Variants in RBFOX1 observed in about 807,000 individuals in gnomAD.
The protein encoded by RBFOX1 is RNA binding protein fox-1 homolog 1.
RBFOX1 carries 8 observed loss-of-function variants against 57.7 expected under a neutral mutation model. The observed-to-expected ratio is 0.14, with a 90% CI of 0.08 to 0.25. RBFOX1 has a LOEUF of 0.25. Among genes scored for constraint, RBFOX1 ranks in the 10% least tolerant of loss-of-function variants. The pLI, the probability that RBFOX1 is intolerant of heterozygous loss-of-function variation, is 1.00. For missense variants in RBFOX1, 611 were observed against 548.5 expected (o/e 1.11, Z -1.14); for synonymous variants, 326 against 222.4 (o/e 1.47, Z -4.15).
intron 1 of RBFOX1, among the ~76,000 whole-genome samples, chr16:5,315,214 G>A (rs2064203012): frequency 6.6e-6 from 1 of 152,242 alleles, no homozygotes; most frequent in Non-Finnish European, 1.5e-5. Flanking sequence ...AGATGCCAGA[G>A]AGGAAGGTTC....
At chr16:7,521,758 C>A (rs998817207) in intron 5 of RBFOX1, among the ~76,000 whole-genome samples, 1 of 152,166 alleles carries the variant, frequency 6.6e-6, no homozygotes, top group Non-Finnish European at 1.5e-5. Flanking sequence ...GAGGGTTATA[C>A]CTTTCAGAGA....
intron 4 of RBFOX1, chr16:7,510,179 C>T (rs1600433862): frequency 4.1e-6 from 4 of 985,840 alleles, no homozygotes; most frequent in South Asian, 4.7e-5. Context: ...CTCAACACCC[C>T]GATCATCCAC....
At chr16:5,718,990 A>G (rs1053581933) in intron 3 of RBFOX1, among the ~76,000 whole-genome samples, 2 of 152,002 alleles carry the variant, frequency 1.3e-5, no homozygotes, top group African/African-American at 4.8e-5. Context: ...AAAAAACAAT[A>G]TTCCCAACTT....
chr16:6,702,498 G>A (rs2062010261), intron 3 of RBFOX1, among the ~76,000 whole-genome samples: 1 of 151,880 alleles, frequency 6.6e-6, no homozygotes, highest in Non-Finnish European at 1.5e-5. Context: ...AGGCTACAGT[G>A]AGCCAAGATT....
chr16:6,823,992 G>C (rs1471541195), intron 3 of RBFOX1, among the ~76,000 whole-genome samples: 1 of 152,178 alleles, frequency 6.6e-6, no homozygotes, highest in African/African-American at 2.4e-5. Context: ...GGTATGAGCT[G>C]GCCCCATGAA....
At chr16:6,861,936 G>A (rs1422271144) in intron 3 of RBFOX1, among the ~76,000 whole-genome samples, 1 of 148,872 alleles carries the variant, frequency 6.7e-6, no homozygotes, top group Non-Finnish European at 1.5e-5. Flanking sequence ...CAGGGGGTCT[G>A]CAAACAGAAC....
At chr16:5,561,269 A>G (rs1010028684) in intron 2 of RBFOX1, among the ~76,000 whole-genome samples, 21 of 152,166 alleles carry the variant, frequency 1.4e-4, no homozygotes, top group African/African-American at 5.1e-4. Flanking sequence ...CTTTCTTTAA[A>G]AAAAATTGAA....
intron 4 of RBFOX1, among the ~76,000 whole-genome samples, chr16:5,884,598 C>A (rs560102772): frequency 6.6e-6 from 1 of 152,012 alleles, no homozygotes; most frequent in Non-Finnish European, 1.5e-5. Context: ...CTTTTTCCAA[C>A]GTAGCCATAA....
intron 1 of RBFOX1, among the ~76,000 whole-genome samples, chr16:5,407,418 G>T (rs2066896152): frequency 6.6e-6 from 1 of 152,158 alleles, no homozygotes; most frequent in African/African-American, 2.4e-5. Context: ...GGAAAAACAA[G>T]AGCAGAGGCC....
intron 3 of RBFOX1, among the ~76,000 whole-genome samples, chr16:6,682,214 G>A (rs750400230): frequency 1.4e-4 from 21 of 152,230 alleles, no homozygotes; most frequent in Middle Eastern, 3.4e-3. Context: ...CAACAGCAAC[G>A]AACAACGCAA....
rs927750983 is a variant in RBFOX1, at chr16:5,863,441, C to T, written c.319-3862C>T. 4.6e-5 allele frequency among the ~76,000 whole-genome samples: 7 copies of T among 152,282 alleles called. No homozygotes were observed. The South Asian group carries it at 1.0e-3, about 23-fold the overall frequency. On this transcript the variant is annotated intron_variant, in intron 3 of 19. Coordinates refer to the RBFOX1 transcript ENST00000641259. ...GATAAAAGCCCATGGTTGCAGCTGG[C>T]GTCAGCAACCCTTAAAGAGCCCTCC... is the stretch of plus-strand genomic sequence containing the variant.
chr16:5,362,465 C>A (rs1191720857), intron 1 of RBFOX1, among the ~76,000 whole-genome samples: 1 of 152,272 alleles, frequency 6.6e-6, no homozygotes, highest in East Asian at 1.9e-4. Flanking sequence ...TGGGTTCAAG[C>A]GATTCTCCTG....
intron 3 of RBFOX1, among the ~76,000 whole-genome samples, chr16:5,744,929 CG>C (rs1382821835): frequency 1.3e-5 from 2 of 152,072 alleles, no homozygotes; most frequent in African/African-American, 2.4e-5. Context: ...TGCACTGCCA[CG>C]CCTGGCTAAT....
intron 3 of RBFOX1, among the ~76,000 whole-genome samples, chr16:5,648,795 G>C (rs1253916923): frequency 2.6e-5 from 4 of 152,184 alleles, no homozygotes; most frequent in Non-Finnish European, 5.9e-5. Flanking sequence ...CAGGCACACT[G>C]GCTCATGCCT....
chr16:7,562,933 A>T (rs1055808520), intron 5 of RBFOX1, among the ~76,000 whole-genome samples: 1 of 152,210 alleles, frequency 6.6e-6, no homozygotes, highest in Non-Finnish European at 1.5e-5. Context: ...AGTTTTAACA[A>T]CCAAGTGCCC....
chr16:5,890,960 A>T (rs540442247), intron 4 of RBFOX1, among the ~76,000 whole-genome samples: 2 of 152,270 alleles, frequency 1.3e-5, no homozygotes, highest in East Asian at 3.9e-4. Context: ...CTGGATCTGA[A>T]TTTCTCAGTC....
At chr16:5,596,672 G>T (rs1421891932) in intron 2 of RBFOX1, among the ~76,000 whole-genome samples, 1 of 152,224 alleles carries the variant, frequency 6.6e-6, no homozygotes, top group Non-Finnish European at 1.5e-5. Flanking sequence ...TTAACTCGTT[G>T]ATCAAGTGCA....
intron 1 of RBFOX1, among the ~76,000 whole-genome samples, chr16:6,218,561 C>T (rs924261347): frequency 4.6e-5 from 7 of 152,072 alleles, no homozygotes; most frequent in African/African-American, 1.4e-4. Context: ...CCTCCCACCT[C>T]GGCCTCCCAA....
chr16:5,829,361 C>A (rs973125869), intron 3 of RBFOX1, among the ~76,000 whole-genome samples: 4 of 152,036 alleles, frequency 2.6e-5, no homozygotes, highest in Admixed American at 1.3e-4. Flanking sequence ...TTGATGACTG[C>A]GAGGAGAATG....
Sources: gnomAD v4.1 joint callset for allele counts (sites outside exome capture counted in the v4.1 genomes callset) on GRCh38, gnomAD v4.1.1 for gene constraint, MANE v1.5 for transcripts, NCBI Gene and HGNC (gene_info 2026-07-23, HGNC 2026-07-21) for gene names.